Variants in SEMA6D observed in about 807,000 individuals in gnomAD.
SEMA6D encodes the protein semaphorin 6D, also known as semaphorin-6D.
In SEMA6D, 35 loss-of-function variants were observed where a neutral mutation model predicts 106.6. The ratio of observed to expected loss-of-function variants is 0.33; its 90% confidence interval spans 0.25 to 0.44. SEMA6D has a LOEUF of 0.44. Among genes scored for constraint, SEMA6D ranks in the 20% least tolerant of loss-of-function variants. SEMA6D has a pLI of 1.00. For synonymous variants in SEMA6D, 499 were observed against 487.7 expected (o/e 1.02, Z -0.31); for missense variants, 1,185 against 1,345.9 (o/e 0.88, Z 1.87).
At chr15:47,457,987 G>C (rs192673937) in intron 2 of SEMA6D, among the ~76,000 whole-genome samples, 2 of 151,974 alleles carry the variant, frequency 1.3e-5, no homozygotes, top group Admixed American at 1.3e-4. Flanking sequence ...CCAGAAGACA[G>C]AGAAGAAACC....
intron 1 of SEMA6D, among the ~76,000 whole-genome samples, chr15:47,726,254 T>C (rs929569853): frequency 6.6e-6 from 1 of 152,266 alleles, no homozygotes; most frequent in Non-Finnish European, 1.5e-5. Context: ...AAATATGTTA[T>C]CTAATTTAAT....
chr15:47,582,715 G>C (rs768048914), intron 3 of SEMA6D, among the ~76,000 whole-genome samples: 4 of 152,132 alleles, frequency 2.6e-5, no homozygotes, highest in Non-Finnish European at 4.4e-5. Flanking sequence ...TAAACAGTCT[G>C]TGATTCTCAG....
intron 3 of SEMA6D, among the ~76,000 whole-genome samples, chr15:47,511,516 C>T (rs539015547): frequency 1.3e-5 from 2 of 152,110 alleles, no homozygotes; most frequent in South Asian, 4.1e-4. Context: ...TTCACTACCC[C>T]CCTCCTGCCA....
At chr15:47,300,147 G>C (rs2035964178) in intron 1 of SEMA6D, among the ~76,000 whole-genome samples, 1 of 152,150 alleles carries the variant, frequency 6.6e-6, no homozygotes, top group African/African-American at 2.4e-5. Context: ...CCTGCCTGGT[G>C]GGTGCCCTCC....
intron 1 of SEMA6D, among the ~76,000 whole-genome samples, chr15:47,407,417 A>C (rs58875512): frequency 2.0e-5 from 3 of 149,764 alleles, no homozygotes; most frequent in African/African-American, 7.3e-5. Context: ...AACAAAAAAA[A>C]CAAAAAAAAC....
intron 1 of SEMA6D, among the ~76,000 whole-genome samples, chr15:47,742,164 T>C (rs577976559): frequency 6.6e-6 from 1 of 152,338 alleles, no homozygotes; most frequent in Admixed American, 6.5e-5. Flanking sequence ...GTGTAAACGA[T>C]GTCAGTACAC....
At chr15:47,336,771 G>A (rs1264111116) in intron 1 of SEMA6D, among the ~76,000 whole-genome samples, 3 of 152,148 alleles carry the variant, frequency 2.0e-5, no homozygotes, top group African/African-American at 7.2e-5. Context: ...GTGGGGTGCT[G>A]TTGAATTCTA....
chr15:47,530,828 GT>G (rs2044936548), intron 3 of SEMA6D, among the ~76,000 whole-genome samples: 1 of 152,174 alleles, frequency 6.6e-6, no homozygotes, highest in Non-Finnish European at 1.5e-5. Flanking sequence ...TCTTGGAGGA[GT>G]TATTAAAACC....
intron 3 of SEMA6D, among the ~76,000 whole-genome samples, chr15:47,535,066 T>C (rs1301872930): frequency 8.0e-6 from 1 of 124,544 alleles, no homozygotes; most frequent in African/African-American, 3.5e-5. Context: ...ATCAAGAATG[T>C]GACAAAAAAA....
chr15:47,537,473 G>A (rs2045207332), intron 3 of SEMA6D, among the ~76,000 whole-genome samples: 1 of 152,196 alleles, frequency 6.6e-6, no homozygotes, highest in Admixed American at 6.5e-5. Context: ...TGAGACATTG[G>A]AAAGTTAGGC....
At chr15:47,339,720 G>A (rs774648284) in intron 1 of SEMA6D, among the ~76,000 whole-genome samples, 1 of 152,056 alleles carries the variant, frequency 6.6e-6, no homozygotes. Context: ...TTAGCCGGGT[G>A]TGGTGTCACA....
intron 1 of SEMA6D, among the ~76,000 whole-genome samples, chr15:47,342,168 G>T (rs1421460953): frequency 6.6e-6 from 1 of 152,128 alleles, no homozygotes; most frequent in African/African-American, 2.4e-5. Flanking sequence ...GACCCAACTA[G>T]TGGAAACCAA....
At chr15:47,412,201 A>G (rs987078777) in intron 1 of SEMA6D, among the ~76,000 whole-genome samples, 1 of 152,110 alleles carries the variant, frequency 6.6e-6, no homozygotes, top group Non-Finnish European at 1.5e-5. Context: ...TCAGTCTCAT[A>G]GTTAGGGCAG....
intron 1 of SEMA6D, among the ~76,000 whole-genome samples, chr15:47,353,070 T>A (rs2038391600): frequency 6.6e-6 from 1 of 152,016 alleles, no homozygotes; most frequent in African/African-American, 2.4e-5. Flanking sequence ...TTATTTTGTG[T>A]GTGTGTGTGT....
chr15:47,628,598 C>T (rs1275313842), intron 4 of SEMA6D, among the ~76,000 whole-genome samples: 1 of 151,860 alleles, frequency 6.6e-6, no homozygotes, highest in Non-Finnish European at 1.5e-5. Context: ...GGATTGTTTG[C>T]TTTTGACAGT....
rs867835370 is a variant in SEMA6D at position 47,443,044 on chromosome 15, A to G, written c.-158-27430A>G. Reference sequence around the variant, plus strand: ...ATTATTACAAGAGAGAGCACCAACTAGAAAATTAGCCTTCTGCCAGTGAGG... The same window carrying G: ...ATTATTACAAGAGAGAGCACCAACTGGAAAATTAGCCTTCTGCCAGTGAGG... On this transcript the variant is annotated intron_variant, in intron 2 of 19. Transcript: ENST00000558014. 3.3e-5 allele frequency among the ~76,000 whole-genome samples: 5 copies of G among 152,258 alleles called. 1 individual carries two copies. The South Asian group carries it at 1.0e-3, about 32-fold the overall frequency.
At chr15:47,208,015 A>G (rs1260077029) in intron 1 of SEMA6D, among the ~76,000 whole-genome samples, 2 of 144,794 alleles carry the variant, frequency 1.4e-5, no homozygotes, top group South Asian at 2.2e-4. Flanking sequence ...ACACACACAC[A>G]CACACACACA....
intron 1 of SEMA6D, among the ~76,000 whole-genome samples, chr15:47,199,740 C>T (rs1172605708): frequency 1.3e-5 from 2 of 152,120 alleles, no homozygotes; most frequent in African/African-American, 4.8e-5. Context: ...TCTCTCCTCT[C>T]TCCTGCCTTC....
intron 1 of SEMA6D, among the ~76,000 whole-genome samples, chr15:47,718,060 A>AG (rs541916844): frequency 1.7e-3 from 253 of 152,224 alleles, no homozygotes; most frequent in Non-Finnish European, 2.7e-3. Flanking sequence ...AAAAAAGCGG[A>AG]GGGGGCATCA....
Sources: allele counts gnomAD v4.1 joint callset (sites outside exome capture counted in the v4.1 genomes callset), GRCh38; gene constraint gnomAD v4.1.1; transcripts MANE v1.5; gene names NCBI Gene and HGNC (gene_info 2026-07-23, HGNC 2026-07-21).